Variants in FAM168A observed in about 807,000 individuals in gnomAD.
FAM168A encodes the protein protein FAM168A.
FAM168A carries 3 observed loss-of-function variants against 28.5 expected under a neutral mutation model. That is an observed-to-expected ratio of 0.11 (90% CI 0.05 to 0.27). The LOEUF is 0.27. Ranked by LOEUF, FAM168A falls within the 10% of genes least tolerant of loss-of-function variation. The probability of loss-of-function intolerance (pLI) is 1.00; values close to 1 mark genes in which losing one functional copy is unlikely to be tolerated. For synonymous variants in FAM168A, 122 were observed against 124.2 expected (o/e 0.98, Z 0.12); for missense variants, 222 against 311.5 (o/e 0.71, Z 2.16).
At chr11:73,437,407 T>TC (rs1271048320) in intron 2 of FAM168A, among the ~76,000 whole-genome samples, 213 of 147,404 alleles carry the variant, frequency 1.4e-3, no homozygotes, top group Non-Finnish European at 2.6e-3. Context: ...ACTCTTTTTT[T>TC]TTTTTTTTTT....
chr11:73,434,474 T>C (rs940365487), intron 2 of FAM168A, among the ~76,000 whole-genome samples: 1 of 152,176 alleles, frequency 6.6e-6, no homozygotes, highest in East Asian at 1.9e-4. Flanking sequence ...GAAATGATAG[T>C]GTTAAGCAGA....
intron 2 of FAM168A, among the ~76,000 whole-genome samples, chr11:73,447,344 T>C (rs1375657498): frequency 6.6e-6 from 1 of 151,848 alleles, no homozygotes; most frequent in Non-Finnish European, 1.5e-5. Flanking sequence ...AGCCCAGGAA[T>C]TTAAGACCAA....
At chr11:73,492,001 C>T (rs888320319) in intron 1 of FAM168A, among the ~76,000 whole-genome samples, 1 of 152,138 alleles carries the variant, frequency 6.6e-6, no homozygotes, top group African/African-American at 2.4e-5. Context: ...ATTTAAAATG[C>T]TAAAAACCAA....
chr11:73,513,391 T>C (rs1855268535), intron 1 of FAM168A, among the ~76,000 whole-genome samples: 1 of 149,060 alleles, frequency 6.7e-6, no homozygotes, highest in Non-Finnish European at 1.5e-5. Context: ...TTTTTTTTTG[T>C]ATTTTTAGTA....
chr11:73,482,525 G>A (rs1470354054), intron 1 of FAM168A, among the ~76,000 whole-genome samples: 1 of 151,886 alleles, frequency 6.6e-6, no homozygotes, highest in Non-Finnish European at 1.5e-5. Flanking sequence ...GGAATGTGAA[G>A]AAATACAGGT....
intron 2 of FAM168A, among the ~76,000 whole-genome samples, chr11:73,435,343 T>A (rs2134519102): frequency 6.6e-6 from 1 of 152,348 alleles, no homozygotes; most frequent in East Asian, 1.9e-4. Flanking sequence ...CAGCTTCATG[T>A]GAGAAATTGT....
At chr11:73,477,549 A>G (rs1274142523) in intron 1 of FAM168A, among the ~76,000 whole-genome samples, 1 of 152,202 alleles carries the variant, frequency 6.6e-6, no homozygotes, top group Non-Finnish European at 1.5e-5. Flanking sequence ...GACACAATAT[A>G]GTAAAACTTC....
At chr11:73,488,896 G>C (rs1868090713) in intron 1 of FAM168A, among the ~76,000 whole-genome samples, 1 of 151,980 alleles carries the variant, frequency 6.6e-6, no homozygotes, top group South Asian at 2.1e-4. Context: ...TTCTTTCTTT[G>C]TTTTTTTCTT....
At position 73,484,640 on chromosome 11, in the gene FAM168A, ATATCTATC is replaced by A. The variant is rs375730509; in HGVS notation, c.-18-16156_-18-16149del. 1.4e-3 allele frequency among the ~76,000 whole-genome samples: 201 copies of A among 145,574 alleles called. 1 individual carries two copies. The highest frequency in any genetic ancestry group is 5.0e-3 in the African/African-American group (196 of 39,538). Reference sequence around the variant, plus strand: ...TATCTATATATAGATATCTATATCGATATCTATCTATCTATATATAGATAGATATAGAT... The same window carrying A: ...TATCTATATATAGATATCTATATCGATATCTATATATAGATAGATATAGAT... On this transcript the variant is annotated intron_variant, in intron 1 of 7. Coordinates refer to ENST00000356467, the MANE Select transcript of FAM168A (RefSeq NM_015159.3).
intron 5 of FAM168A, chr11:73,410,471 G>A (rs965421535): frequency 2.0e-5 from 3 of 151,786 alleles, no homozygotes; most frequent in Non-Finnish European, 2.9e-5. Context: ...CTCTTAACTA[G>A]CTATTTCCCT....
intron 1 of FAM168A, among the ~76,000 whole-genome samples, chr11:73,477,966 T>C (rs1417934535): frequency 2.8e-5 from 4 of 141,722 alleles, no homozygotes; most frequent in Non-Finnish European, 6.2e-5. Context: ...GATAGATAGA[T>C]AGATAAAACA....
rs1866388329 is a variant in FAM168A at position 73,400,659 on chromosome 11, G to A, written c.*6104C>T. 1 of 152,184 alleles carries A rather than the reference G, an allele frequency of 6.6e-6. No individual in the cohort carries two copies. Among genetic ancestry groups the A allele is most frequent in the Admixed American group, 6.5e-5 (1 of 15,268 alleles). The allele number at this position is 152,184 out of a possible 1,614,324, so 9.4% of individuals were successfully genotyped here. On this transcript the variant is annotated 3_prime_UTR_variant, in exon 8 of 8. Coordinates refer to ENST00000356467, the MANE Select transcript of FAM168A (RefSeq NM_015159.3). ...ACCCCTGTCAGATCAGCTGTAAGATGTACCATAGGTTTTTCTTGACTACTG... is the reference window on the plus strand; with the variant it reads ...ACCCCTGTCAGATCAGCTGTAAGATATACCATAGGTTTTTCTTGACTACTG...
rs572500 is a variant in FAM168A at position 73,561,957 on chromosome 11, T to C, written c.-19+35966A>G. Among the ~76,000 whole-genome samples the C allele has an allele frequency of 1.0e-3, 153 of 152,292 alleles. 2 individuals carry two copies. In the South Asian group the frequency reaches 0.028, roughly 28 times the overall value. On this transcript the variant is annotated intron_variant, in intron 1 of 7. Coordinates refer to ENST00000356467, the MANE Select transcript of FAM168A (RefSeq NM_015159.3). ...TACAGGAGGATTTTCTTTTTTTTTT[T>C]CCAAAGACTGAGTCTCACTCTGTAG...
intron 1 of FAM168A, among the ~76,000 whole-genome samples, chr11:73,472,794 T>C (rs1867833275): frequency 6.6e-6 from 1 of 152,174 alleles, no homozygotes; most frequent in Admixed American, 6.5e-5. Context: ...ACATCAAGAA[T>C]GATGCCAAGG....
In FAM168A at chr11:73,519,331, A is replaced by G. The variant is rs562682786; in HGVS notation, c.-18-50839T>C. On this transcript the variant is annotated intron_variant, in intron 1 of 7. Coordinates refer to ENST00000356467, the MANE Select transcript of FAM168A (RefSeq NM_015159.3). The stretch of plus-strand genomic sequence containing the variant: ...CTTCATTCATTCAGGCTTTCAACAA[A>G]TATTTGTTATGAGTTCCTACCATGT... 4.6e-5 allele frequency among the ~76,000 whole-genome samples: 7 copies of G among 152,234 alleles called. No individual in the cohort carries two copies. In the South Asian group the frequency reaches 1.0e-3, roughly 23 times the overall value.
rs1205191571 is a variant in FAM168A at position 73,401,400 on chromosome 11, T to G, written c.*5363A>C. 6.6e-6 allele frequency: 1 copy of G among 152,080 alleles called. No individual in the cohort carries two copies. Among genetic ancestry groups the G allele is most frequent in the Non-Finnish European group, 1.5e-5 (1 of 68,028 alleles). The allele number at this position is 152,080 out of a possible 1,614,324, so 9.4% of individuals were successfully genotyped here. ...CCCCCTGGGTAAGGAGGAGCTTGAG[T>G]CACACCATAGATCCAGACTATCTGG... is the stretch of plus-strand genomic sequence containing the variant. On this transcript the variant is annotated 3_prime_UTR_variant, in exon 8 of 8. Transcript: ENST00000356467.
At chr11:73,437,433 T>A (rs1196442062) in intron 2 of FAM168A, among the ~76,000 whole-genome samples, 2 of 132,508 alleles carry the variant, frequency 1.5e-5, no homozygotes, top group African/African-American at 5.9e-5. Context: ...AGACAGAGTC[T>A]CACTCTATCG....
At chr11:73,410,249 T>C (rs1032394720) in intron 5 of FAM168A, among the ~76,000 whole-genome samples, 5 of 151,684 alleles carry the variant, frequency 3.3e-5, no homozygotes, top group Admixed American at 1.3e-4. Context: ...CTACTAAAAA[T>C]ACAAAACAAT....
intron 1 of FAM168A, chr11:73,580,517 A>G: frequency 1.7e-6 from 1 of 603,494 alleles, no homozygotes. Context: ...TGGAGATGCC[A>G]AGCGAAGTGT....
Sources: allele counts gnomAD v4.1 joint callset (sites outside exome capture counted in the v4.1 genomes callset), GRCh38; gene constraint gnomAD v4.1.1; transcripts MANE v1.5; gene names NCBI Gene and HGNC (gene_info 2026-07-23, HGNC 2026-07-21).